STXBP5L: variants seen among roughly 807,000 people sequenced by gnomAD.
The protein encoded by STXBP5L is syntaxin-binding protein 5-like.
In STXBP5L, 65 loss-of-function variants were observed where a neutral mutation model predicts 144.5. The ratio of observed to expected loss-of-function variants is 0.45; its 90% CI spans 0.37 to 0.55. The LOEUF (loss-of-function observed/expected upper bound fraction) is 0.55, where lower values mean the gene tolerates loss of function less well. STXBP5L is among the 20% of genes least tolerant of loss of function. The probability of loss-of-function intolerance (pLI) is 0.00; values close to 1 mark genes in which losing one functional copy is unlikely to be tolerated. For synonymous variants in STXBP5L, 505 were observed against 469.6 expected (o/e 1.08, Z -0.97); for missense variants, 1,298 against 1,405.5 (o/e 0.92, Z 1.22).
At chr3:121,279,266 A>G (rs1190608207) in intron 18 of STXBP5L, among the ~76,000 whole-genome samples, 2 of 151,906 alleles carry the variant, frequency 1.3e-5, no homozygotes, top group African/African-American at 2.4e-5. Context: ...CACAAAATAA[A>G]GAGCACAAAA....
At chr3:121,149,794 C>T (rs377456343) in intron 7 of STXBP5L, among the ~76,000 whole-genome samples, 4 of 152,008 alleles carry the variant, frequency 2.6e-5, no homozygotes, top group East Asian at 3.9e-4. Flanking sequence ...AACATATACT[C>T]GAATAAATAA....
At chr3:120,960,555 T>C (rs561056703) in intron 3 of STXBP5L, among the ~76,000 whole-genome samples, 5 of 152,308 alleles carry the variant, frequency 3.3e-5, no homozygotes, top group African/African-American at 9.6e-5. Context: ...ATGACACATA[T>C]ACACCATGGA....
chr3:121,057,314 CACTCTTT>C (rs1315498786), intron 5 of STXBP5L, among the ~76,000 whole-genome samples: 1 of 151,820 alleles, frequency 6.6e-6, no homozygotes, highest in Non-Finnish European at 1.5e-5. Context: ...TCTAAAGGAT[CACTCTTT>C]ATATAGACTT....
chr3:120,933,209 A>G (rs1710059165), intron 2 of STXBP5L, among the ~76,000 whole-genome samples: 1 of 152,188 alleles, frequency 6.6e-6, no homozygotes, highest in African/African-American at 2.4e-5. Context: ...TAATAAAAAA[A>G]GAAATAAAAT....
chr3:121,110,104 T>C (rs1176154352), intron 5 of STXBP5L, among the ~76,000 whole-genome samples: 2 of 152,220 alleles, frequency 1.3e-5, no homozygotes, highest in Non-Finnish European at 2.9e-5. Context: ...TGTGTGTCCC[T>C]GCATGTGAGA....
chr3:121,255,070 A>G lies in STXBP5L; in HGVS notation c.1617A>G (p.Ile539Met), dbSNP rs1222560030. 6.2e-7 allele frequency: 1 copy of G among 1,602,810 alleles called. No individual in the cohort carries two copies. The highest frequency in any genetic ancestry group is 1.7e-5 in the Admixed American group (1 of 57,652). The change falls in exon 16 of 27, where the codon ATA becomes ATG. Residue 539 changes from isoleucine to methionine, a missense_variant. By Grantham distance (10) the Ile-to-Met change is conservative. Transcript: ENST00000471454. The stretch of plus-strand genomic sequence containing the variant: ...TATCAGGAGTCTCTGCATATGTCAT[A>G]ATTTATAAATTCAGCAGACATGAAA... ...FCVSGVSAYV[I>M]IYKFSRHEIT...
chr3:120,956,240 T>A (rs1244689019), intron 3 of STXBP5L, among the ~76,000 whole-genome samples: 1 of 151,930 alleles, frequency 6.6e-6, no homozygotes, highest in African/African-American at 2.4e-5. Context: ...TAAATACATT[T>A]ATATTATGCA....
chr3:121,032,512 C>A (rs1018896192), intron 3 of STXBP5L, among the ~76,000 whole-genome samples: 2 of 151,380 alleles, frequency 1.3e-5, no homozygotes, highest in Non-Finnish European at 2.9e-5. Flanking sequence ...TAGGCACGGG[C>A]AAGGACTTCA....
intron 7 of STXBP5L, among the ~76,000 whole-genome samples, chr3:121,125,789 A>C (rs1189053964): frequency 1.3e-5 from 2 of 152,170 alleles, no homozygotes; most frequent in African/African-American, 4.8e-5. Flanking sequence ...AACATAAGGC[A>C]TTCAATCTGG....
At chr3:121,304,342 G>C (rs2043261207) in intron 19 of STXBP5L, among the ~76,000 whole-genome samples, 1 of 151,922 alleles carries the variant, frequency 6.6e-6, no homozygotes, top group Non-Finnish European at 1.5e-5. Context: ...AAATTGGTAA[G>C]ATTATAAAAA....
chr3:120,976,505 T>C (rs1175401778), intron 3 of STXBP5L, among the ~76,000 whole-genome samples: 1 of 152,190 alleles, frequency 6.6e-6, no homozygotes, highest in Non-Finnish European at 1.5e-5. Context: ...GCTCCTGGGT[T>C]CATTAATTTT....
intron 5 of STXBP5L, among the ~76,000 whole-genome samples, chr3:121,092,210 C>T (rs1220690513): frequency 1.3e-5 from 2 of 151,986 alleles, no homozygotes; most frequent in Non-Finnish European, 1.5e-5. Context: ...AGCATGATGC[C>T]TCCAGCTTTG....
At chr3:120,978,406 A>T (rs1032748877) in intron 3 of STXBP5L, among the ~76,000 whole-genome samples, 1 of 152,064 alleles carries the variant, frequency 6.6e-6, no homozygotes, top group Admixed American at 6.5e-5. Flanking sequence ...CAGCTCCTTT[A>T]AGCACTTCTC....
intron 3 of STXBP5L, among the ~76,000 whole-genome samples, chr3:120,992,901 T>C (rs1419620212): frequency 6.6e-6 from 1 of 152,140 alleles, no homozygotes; most frequent in East Asian, 1.9e-4. Flanking sequence ...ATGCCTATAC[T>C]AATTTACACT....
At chr3:121,180,255 C>G (rs1242851164) in intron 9 of STXBP5L, among the ~76,000 whole-genome samples, 6 of 152,180 alleles carry the variant, frequency 3.9e-5, no homozygotes, top group African/African-American at 1.4e-4. Context: ...AGAAACTTTA[C>G]AAGCCAGAAG....
intron 15 of STXBP5L, among the ~76,000 whole-genome samples, chr3:121,251,123 T>C (rs1385101413): frequency 1.3e-5 from 2 of 152,148 alleles, no homozygotes; most frequent in Non-Finnish European, 2.9e-5. Context: ...ATCCCTCTAG[T>C]CTTCACTTTT....
chr3:121,094,266 G>T (rs2042992349), intron 5 of STXBP5L, among the ~76,000 whole-genome samples: 1 of 152,124 alleles, frequency 6.6e-6, no homozygotes, highest in Admixed American at 6.6e-5. Flanking sequence ...GGGGTGGAGA[G>T]TTCTGTAGAT....
chr3:121,174,331 C>T (rs957991566), intron 9 of STXBP5L, among the ~76,000 whole-genome samples: 4 of 151,848 alleles, frequency 2.6e-5, no homozygotes, highest in Admixed American at 6.6e-5. Context: ...TATATATTTT[C>T]TACATATTCA....
At position 121,422,880 on chromosome 3, in the gene STXBP5L, C is replaced by G. The variant is rs182300861; in HGVS notation, c.*3783C>G. On this transcript the variant is annotated 3_prime_UTR_variant, in exon 27 of 27. Transcript: ENST00000471454. ...ACCAGTTTTAAAGGCATCATCTATA[C>G]TTTATCTACATGAAGGGATCACCAT... 1 of 152,150 alleles carries G rather than the reference C, an allele frequency of 6.6e-6. No homozygotes were observed. Among genetic ancestry groups the G allele is most frequent in the East Asian group, 1.9e-4 (1 of 5,178 alleles). 9.4% of individuals were successfully genotyped at this position (152,150 alleles called of 1,614,324 possible). A position where few individuals can be genotyped will look rare whatever the true frequency, so the allele number is the denominator to read the frequency against.
Sources: gnomAD v4.1 joint callset for allele counts (sites outside exome capture counted in the v4.1 genomes callset) on GRCh38, gnomAD v4.1.1 for gene constraint, MANE v1.5 for transcripts, NCBI Gene and HGNC (gene_info 2026-07-23, HGNC 2026-07-21) for gene names.